Variants in CLMN observed in about 807,000 individuals in gnomAD.
CLMN encodes calmin (calponin-like, transmembrane).
CLMN carries 57 observed loss-of-function variants against 92.7 expected under a neutral mutation model. The ratio of observed to expected loss-of-function variants is 0.61; its 90% CI spans 0.50 to 0.77. The LOEUF (loss-of-function observed/expected upper bound fraction) is 0.77. Ranked by LOEUF, CLMN falls within the 30% of genes least tolerant of loss-of-function variation. The pLI is 0.00. For missense variants in CLMN, 1,158 were observed against 1,237.5 expected, an observed-to-expected ratio of 0.94 and a Z score of 0.96; for synonymous variants, 466 against 470.6, an observed-to-expected ratio of 0.99 and a Z score of 0.13.
At chr14:95,231,563 T>C (rs978208872) in intron 1 of CLMN, among the ~76,000 whole-genome samples, 1 of 152,158 alleles carries the variant, frequency 6.6e-6, no homozygotes, top group Non-Finnish European at 1.5e-5. Context: ...AAAATTTTCT[T>C]CCACAAAACT....
At chr14:95,271,256 A>ATCATT (rs1425418846) in intron 1 of CLMN, among the ~76,000 whole-genome samples, 1 of 152,228 alleles carries the variant, frequency 6.6e-6, no homozygotes, top group Non-Finnish European at 1.5e-5. Flanking sequence ...TCTGTGGGTT[A>ATCATT]TCATTTTACT....
chr14:95,231,031 T>C (rs930936460), intron 1 of CLMN, among the ~76,000 whole-genome samples: 2 of 151,882 alleles, frequency 1.3e-5, no homozygotes, highest in Non-Finnish European at 2.9e-5. Context: ...TTTGTTTCCA[T>C]TCATCTTTAA....
At chr14:95,291,415 C>CA (rs1223698125) in intron 1 of CLMN, among the ~76,000 whole-genome samples, 1 of 152,162 alleles carries the variant, frequency 6.6e-6, no homozygotes, top group Non-Finnish European at 1.5e-5. Flanking sequence ...CTGCCTGTGC[C>CA]AAAAAAACCC....
At position 95,187,759 on chromosome 14, in the gene CLMN, A is replaced by G. The variant is rs1896474315; in HGVS notation, c.*3805T>C. The G allele has an allele frequency of 6.6e-6, 1 of 152,278 alleles. No individual in the cohort carries two copies. The highest frequency in any genetic ancestry group is 1.5e-5 in the Non-Finnish European group (1 of 68,070). The allele number at this position is 152,278 out of a possible 1,614,324, so 9.4% of individuals were successfully genotyped here. A position where few individuals can be genotyped will look rare whatever the true frequency, so the allele number is the denominator to read the frequency against. On this transcript the variant is annotated 3_prime_UTR_variant, in exon 13 of 13. Coordinates refer to ENST00000298912, the MANE Select transcript of CLMN (RefSeq NM_024734.4). ...GACCAGGGTCTCTGGATATGGTCCT[A>G]CAGTTGTGCATTGCACAGAGGCACT...
intron 2 of CLMN, among the ~76,000 whole-genome samples, chr14:95,226,859 G>A (rs56260967): frequency 0.28 from 42,889 of 152,102 alleles, 6,349 homozygotes; most frequent in Non-Finnish European, 0.31. Flanking sequence ...GATTACAGGC[G>A]TGAGCCACCA....
chr14:95,239,698 T>C lies in CLMN; in HGVS notation c.83-9565A>G, dbSNP rs547816886. ...GCCCCCTTGCATCATTTATGATCAGTAAATGAGAGGCTCTGATAAGCCCTG... is the reference window on the plus strand; with the variant it reads ...GCCCCCTTGCATCATTTATGATCAGCAAATGAGAGGCTCTGATAAGCCCTG... On this transcript the variant is annotated intron_variant, in intron 1 of 12. Transcript: ENST00000298912. Among the ~76,000 whole-genome samples the C allele has an allele frequency of 1.7e-3, 254 of 152,352 alleles. 1 individual carries two copies. The highest frequency in any genetic ancestry group is 5.9e-3 in the African/African-American group (246 of 41,570).
At chr14:95,207,657 T>A (rs1221780037) in intron 8 of CLMN, among the ~76,000 whole-genome samples, 6 of 152,184 alleles carry the variant, frequency 3.9e-5, no homozygotes, top group African/African-American at 1.4e-4. Flanking sequence ...AATATAGATG[T>A]GTATCAGAGA....
chr14:95,254,561 G>A (rs1453701611), intron 1 of CLMN, among the ~76,000 whole-genome samples: 2 of 152,116 alleles, frequency 1.3e-5, no homozygotes, highest in South Asian at 4.2e-4. Context: ...CCCTGCGTGC[G>A]TTATGAGGCA....
In CLMN at chr14:95,213,301, CTGCAGTGGG is replaced by C; in HGVS notation, c.517_525del (p.Pro173_Ala175del). 6.2e-7 allele frequency: 1 copy of C among 1,614,046 alleles called. No individual in the cohort carries two copies. Among genetic ancestry groups the C allele is most frequent in the Non-Finnish European group, 8.5e-7 (1 of 1,179,980 alleles). ...TTCACCGATATTGCCACGCTCCTCTCTGCAGTGGGTGTGGGTGGGAAGGATGAGTCTGAG... is the reference window on the plus strand; with the variant it reads ...TTCACCGATATTGCCACGCTCCTCTCTGTGGGTGGGAAGGATGAGTCTGAG... On this transcript the variant is annotated inframe_deletion, in exon 6 of 13. Coordinates refer to ENST00000298912, the MANE Select transcript of CLMN (RefSeq NM_024734.4).
chr14:95,313,620 G>A (rs1369716504), intron 1 of CLMN, among the ~76,000 whole-genome samples: 6 of 147,350 alleles, frequency 4.1e-5, no homozygotes, highest in Admixed American at 6.8e-5. Flanking sequence ...TGTGACTAAC[G>A]CAATCTACCA....
intron 1 of CLMN, among the ~76,000 whole-genome samples, chr14:95,236,633 T>C (rs116012292): frequency 0.026 from 3,915 of 152,228 alleles, 142 homozygotes; most frequent in African/African-American, 0.076. Context: ...GCAGAGGCCA[T>C]TGGGGGGCCT....
chr14:95,295,232 T>C (rs1900754256), intron 1 of CLMN, among the ~76,000 whole-genome samples: 1 of 152,214 alleles, frequency 6.6e-6, no homozygotes, highest in African/African-American at 2.4e-5. Flanking sequence ...CAGGCTGCAA[T>C]GCACACAAGC....
At chr14:95,257,682 C>T (rs1233132582) in intron 1 of CLMN, among the ~76,000 whole-genome samples, 1 of 152,218 alleles carries the variant, frequency 6.6e-6, no homozygotes, top group African/African-American at 2.4e-5. Context: ...AGCCACGTGG[C>T]TATGCGGGGT....
intron 1 of CLMN, among the ~76,000 whole-genome samples, chr14:95,251,877 G>T (rs1898800961): frequency 6.6e-6 from 1 of 152,156 alleles, no homozygotes; most frequent in South Asian, 2.1e-4. Flanking sequence ...TCCAGGCACA[G>T]GTTCTAAACT....
chr14:95,228,332 G>A (rs1234141935), intron 2 of CLMN, among the ~76,000 whole-genome samples: 2 of 152,070 alleles, frequency 1.3e-5, no homozygotes, highest in Admixed American at 6.6e-5. Flanking sequence ...TTCACTTTAG[G>A]AGCATTGCCG....
At position 95,288,775 on chromosome 14, in the gene CLMN, C is replaced by A. The variant is rs555251538; in HGVS notation, c.82+30936G>T. ...ACATGCCCAAGAGTGTTCTTCACAGCACATTCATAATAGCCAAAAACTGGG... is the reference window on the plus strand; with the variant it reads ...ACATGCCCAAGAGTGTTCTTCACAGAACATTCATAATAGCCAAAAACTGGG... On this transcript the variant is annotated intron_variant, in intron 1 of 12. Transcript: ENST00000298912. Among the ~76,000 whole-genome samples, 22 of 152,284 alleles carry A rather than the reference C, an allele frequency of 1.4e-4. No homozygotes were observed. The East Asian group carries it at 4.2e-3, about 29-fold the overall frequency.
At chr14:95,217,395 C>T (rs796602957) in intron 4 of CLMN, among the ~76,000 whole-genome samples, 11 of 152,264 alleles carry the variant, frequency 7.2e-5, no homozygotes, top group African/African-American at 2.4e-4. Flanking sequence ...CTTGCCTAAT[C>T]GAGGGAGAGT....
rs770989100 is a variant in CLMN at position 95,202,737 on chromosome 14, C to T, written c.2511+101G>A. ...CACCATAGTAGTCCCAAGGGAAGCC[C>T]CCTCATCGCTATTTTATGGAGCAAG... On this transcript the variant is annotated intron_variant, in intron 9 of 12. Transcript: ENST00000298912. 7.7e-5 allele frequency: 98 copies of T among 1,280,818 alleles called. No individual in the cohort carries two copies. The Middle Eastern group carries it at 8.6e-4, about 11-fold the overall frequency. The allele number at this position is 1,280,818 out of a possible 1,614,324, so 79.3% of individuals were successfully genotyped here. A position where few individuals can be genotyped will look rare whatever the true frequency, so the allele number is the denominator to read the frequency against.
At chr14:95,284,762 C>T (rs1281804664) in intron 1 of CLMN, among the ~76,000 whole-genome samples, 3 of 152,124 alleles carry the variant, frequency 2.0e-5, no homozygotes, top group African/African-American at 4.8e-5. Context: ...AACTAGCTTG[C>T]TTTTGATTTT....
Sources: allele counts gnomAD v4.1 joint callset (sites outside exome capture counted in the v4.1 genomes callset), GRCh38; gene constraint gnomAD v4.1.1; transcripts MANE v1.5; gene names NCBI Gene and HGNC (gene_info 2026-07-23, HGNC 2026-07-21).